Variants in SF3B1 observed in about 807,000 individuals in gnomAD.
SF3B1 encodes pre-mRNA processing 10.
SF3B1 carries 12 observed loss-of-function variants against 153.8 expected under a neutral mutation model. The ratio of observed to expected loss-of-function variants is 0.08; its 90% CI spans 0.05 to 0.13. SF3B1 has a LOEUF of 0.13. Ranked by LOEUF, SF3B1 falls within the 10% of genes least tolerant of loss-of-function variation. The pLI is 1.00. For missense variants in SF3B1, 513 were observed against 1,606.1 expected, an observed-to-expected ratio of 0.32 and a Z score of 11.63; for synonymous variants, 498 against 525.2, an observed-to-expected ratio of 0.95 and a Z score of 0.71.
intron 1 of SF3B1, among the ~76,000 whole-genome samples, chr2:197,433,457 A>G (rs2085473700): frequency 6.6e-6 from 1 of 152,198 alleles, no homozygotes; most frequent in Non-Finnish European, 1.5e-5. Context: ...CAAATGAATA[A>G]CATCCTGAAT....
chr2:197,406,097 T>A (rs1574532337), intron 9 of SF3B1, among the ~76,000 whole-genome samples: 2 of 143,112 alleles, frequency 1.4e-5, no homozygotes, highest in East Asian at 2.0e-4. Flanking sequence ...TTTTTTTTTT[T>A]AAAGCTGGTA....
chr2:197,403,585 C>A lies in SF3B1; in HGVS notation c.1719G>T (p.Lys573Asn). Residue 573 changes from lysine to asparagine, a missense_variant and splice_region_variant, in exon 12 of 25, where the codon AAG (lysine) becomes AAT (asparagine). Coordinates refer to ENST00000335508, the MANE Select transcript of SF3B1 (RefSeq NM_012433.4). ...AGAAACACTATTAAGGAGAACAAAC[C>A]TTATGCACATATGGACGAACTAAGT... ...LDDLVRPYVH[K>N]ILVVIEPLLI... 6.5e-7 allele frequency: 1 copy of A among 1,545,616 alleles called. No individual in the cohort carries two copies. The highest frequency in any genetic ancestry group is 2.4e-5 in the East Asian group (1 of 41,856).
intron 9 of SF3B1, among the ~76,000 whole-genome samples, chr2:197,405,989 T>C (rs2105991299): frequency 6.6e-6 from 1 of 152,040 alleles, no homozygotes; most frequent in African/African-American, 2.4e-5. Flanking sequence ...CCAAAATGTT[T>C]GCCAAAGCCC....
chr2:197,418,818 A>G (rs2085195479), intron 4 of SF3B1: 7 of 1,505,288 alleles, frequency 4.7e-6, no homozygotes, highest in Non-Finnish European at 6.2e-6. Flanking sequence ...ATTTTAATGC[A>G]TATAAAAACA....
chr2:197,430,451 G>C (rs1559281140), intron 1 of SF3B1, among the ~76,000 whole-genome samples: 1 of 151,716 alleles, frequency 6.6e-6, no homozygotes, highest in Non-Finnish European at 1.5e-5. Flanking sequence ...ACTCACGGTA[G>C]TTTTTTTTGT....
intron 9 of SF3B1, among the ~76,000 whole-genome samples, chr2:197,405,837 T>C (rs2084985055): frequency 6.6e-6 from 1 of 152,108 alleles, no homozygotes; most frequent in Non-Finnish European, 1.5e-5. Context: ...ATAAGATTTA[T>C]ATAAAATGGA....
At chr2:197,405,038 A>G (rs2084975630) in intron 11 of SF3B1, 38 bp downstream of exon 11, 1 of 1,361,998 alleles carries the variant, frequency 7.3e-7, no homozygotes, top group Non-Finnish European at 1.0e-6. Context: ...TTAAATAAAT[A>G]AGCAACAAAC....
At chr2:197,429,306 T>C (rs2085388186) in intron 1 of SF3B1, among the ~76,000 whole-genome samples, 1 of 152,220 alleles carries the variant, frequency 6.6e-6, no homozygotes, top group Non-Finnish European at 1.5e-5. Context: ...CCCTTAAATA[T>C]TCCAATTTCC....
intron 1 of SF3B1, among the ~76,000 whole-genome samples, chr2:197,425,914 G>C (rs2085328906): frequency 6.6e-6 from 1 of 151,706 alleles, no homozygotes; most frequent in Non-Finnish European, 1.5e-5. Context: ...TGGGAGGACT[G>C]TTTGAGCCCA....
intron 1 of SF3B1, among the ~76,000 whole-genome samples, chr2:197,430,383 G>A (rs979626089): frequency 2.6e-5 from 4 of 152,132 alleles, no homozygotes; most frequent in African/African-American, 9.7e-5. Context: ...AAACAAAGCT[G>A]GCCTAAGCTT....
intron 6 of SF3B1, among the ~76,000 whole-genome samples, chr2:197,412,104 T>A (rs1462387244): frequency 3.3e-5 from 4 of 120,376 alleles, no homozygotes; most frequent in African/African-American, 9.0e-5. Flanking sequence ...TGAGACTCTG[T>A]CTCAAAAAAA....
Position 197,392,063 on chromosome 2 carries a change from A to T in SF3B1, c.*240T>A. 3.3e-6 allele frequency: 1 copy of T among 302,598 alleles called. No homozygotes were observed. Among genetic ancestry groups the T allele is most frequent in the Non-Finnish European group, 6.1e-6 (1 of 164,776 alleles). The allele number at this position is 302,598 out of a possible 1,614,324, so 18.7% of individuals were successfully genotyped here. On this transcript the variant is annotated 3_prime_UTR_variant, in exon 25 of 25. Transcript: ENST00000335508. ...TTCTAAATCTTCATAAAGATGAATT[A>T]AAAATGAAATCCCTCCAGTATAGTG...
At chr2:197,433,536 G>A (rs939393712) in intron 1 of SF3B1, among the ~76,000 whole-genome samples, 27 of 152,300 alleles carry the variant, frequency 1.8e-4, no homozygotes, top group Admixed American at 5.9e-4. Context: ...ATAGTCTAAA[G>A]ACAAAATAAT....
Position 197,392,956 on chromosome 2 carries a change from A to G in SF3B1, c.3756+16T>C. The stretch of plus-strand genomic sequence containing the variant: ...AAAAAAAAAATCACCGATTAAAAAA[A>G]AAATCTTTAACTTACCTGTAAACAA... On this transcript the variant is annotated intron_variant, in intron 24 of 24. Transcript: ENST00000335508. The G allele has an allele frequency of 6.7e-7, 1 of 1,502,710 alleles. No individual in the cohort carries two copies. The highest frequency in any genetic ancestry group is 9.1e-7 in the Non-Finnish European group (1 of 1,099,220). 93.1% of individuals were successfully genotyped at this position (1,502,710 alleles called of 1,614,324 possible).
chr2:197,399,973 A>T, intron 20 of SF3B1, 82 bp downstream of exon 20: 2 of 984,766 alleles, frequency 2.0e-6, no homozygotes, highest in South Asian at 1.5e-5. Context: ...CCCAACTCCT[A>T]AATAAGATTT....
chr2:197,421,140 T>C lies in SF3B1; in HGVS notation c.196-7A>G, dbSNP rs2085235011. 4 of 1,580,102 alleles carry C rather than the reference T, an allele frequency of 2.5e-6. No homozygotes were observed. Among genetic ancestry groups the C allele is most frequent in the Non-Finnish European group, 2.6e-6 (3 of 1,151,936 alleles). On this transcript the variant is annotated splice_region_variant and splice_polypyrimidine_tract_variant and intron_variant, in intron 2 of 24. Transcript: ENST00000335508. ...ATGAATAGTCATCGTCATCCTGCAA[T>C]GAAAACCCCCCAAAAAGCCATAAAC...
rs188077433 is a variant in SF3B1, at chr2:197,398,265, T to C, written c.3135-149A>G. Reference sequence around the variant, plus strand: ...TTCAGAAAGGCTGAAGAGTTAGTCTTACAGGTTTAGTCCTAAAATTACATT... The same window carrying C: ...TTCAGAAAGGCTGAAGAGTTAGTCTCACAGGTTTAGTCCTAAAATTACATT... On this transcript the variant is annotated intron_variant, in intron 21 of 24. Transcript: ENST00000335508. 9.6e-4 allele frequency: 822 copies of C among 856,670 alleles called. 2 individuals carry two copies. Among genetic ancestry groups the C allele is most frequent in the Non-Finnish European group, 9.3e-4 (506 of 543,252 alleles). The allele number at this position is 856,670 out of a possible 1,614,324, so 53.1% of individuals were successfully genotyped here. A position where few individuals can be genotyped will look rare whatever the true frequency, so the allele number is the denominator to read the frequency against.
chr2:197,400,675 AT>A lies in SF3B1; in HGVS notation c.2718+39del, dbSNP rs2105982217. The stretch of plus-strand genomic sequence containing the variant: ...ACAACTAATATGCTTTTCTACAAAT[AT>A]TAAAGTTAGTAGCAATGTGCCATAA... On this transcript the variant is annotated intron_variant, in intron 18 of 24. Coordinates refer to ENST00000335508, the MANE Select transcript of SF3B1 (RefSeq NM_012433.4). The surrounding 1 kb of genome is among the most constrained non-coding windows in gnomAD (Gnocchi z 5.0). The A allele has an allele frequency of 7.1e-7, 1 of 1,414,290 alleles. No homozygotes were observed. The highest frequency in any genetic ancestry group is 9.8e-7 in the Non-Finnish European group (1 of 1,018,166). 87.6% of individuals were successfully genotyped at this position (1,414,290 alleles called of 1,614,324 possible). A position where few individuals can be genotyped will look rare whatever the true frequency, so the allele number is the denominator to read the frequency against.
At chr2:197,395,442 G>A (rs1337740250) in intron 23 of SF3B1, among the ~76,000 whole-genome samples, 1 of 152,210 alleles carries the variant, frequency 6.6e-6, no homozygotes, top group African/African-American at 2.4e-5. Context: ...AAAATAAAGA[G>A]CCAGTGAAAC....
Sources: gnomAD v4.1 joint callset for allele counts (sites outside exome capture counted in the v4.1 genomes callset) on GRCh38, gnomAD v4.1.1 for gene constraint, Gnocchi (gnomAD v3.1) non-coding constraint, MANE v1.5 for transcripts, NCBI Gene and HGNC (gene_info 2026-07-23, HGNC 2026-07-21) for gene names.